Variants in CAMTA1 observed in about 807,000 individuals in gnomAD.
The protein encoded by CAMTA1 is calmodulin-binding transcription activator 1.
A neutral mutation model predicts 170.9 loss-of-function variants in CAMTA1; 27 were observed. The observed-to-expected ratio is 0.16, with a 90% confidence interval of 0.12 to 0.22. CAMTA1 has a LOEUF of 0.22. Ranked by LOEUF, CAMTA1 falls within the 10% of genes least tolerant of loss-of-function variation. CAMTA1 has a pLI of 1.00. For synonymous variants in CAMTA1, 833 were observed against 891.5 expected (o/e 0.93, Z 1.17); for missense variants, 1,619 against 2,217.2 (o/e 0.73, Z 5.42).
rs140073193 is a variant in CAMTA1 at position 7,215,401 on chromosome 1, G to A, written c.303-34090G>A. On this transcript the variant is annotated intron_variant, in intron 4 of 22. Coordinates refer to ENST00000303635, the MANE Select transcript of CAMTA1 (RefSeq NM_015215.4). ...AATTCTGGTATGTAGTTTTTTGTTT[G>A]TTTGTTTTCTGAGATGGAGTCTCAC... is the stretch of plus-strand genomic sequence containing the variant. 5.3e-4 allele frequency among the ~76,000 whole-genome samples: 81 copies of A among 152,238 alleles called. 1 individual carries two copies. The highest frequency in any genetic ancestry group is 1.9e-3 in the African/African-American group (77 of 41,560).
intron 5 of CAMTA1, among the ~76,000 whole-genome samples, chr1:7,359,451 C>T (rs1024495744): frequency 6.6e-6 from 1 of 152,178 alleles, no homozygotes; most frequent in African/African-American, 2.4e-5. Context: ...TTACATTGGG[C>T]CCTGTGAACA....
intron 6 of CAMTA1, among the ~76,000 whole-genome samples, chr1:7,492,138 C>T (rs2093712115): frequency 6.6e-6 from 1 of 152,180 alleles, no homozygotes; most frequent in Non-Finnish European, 1.5e-5. Flanking sequence ...ATGGTCACCC[C>T]AGCTGGGAAG....
rs143773576 is a variant in CAMTA1 at position 6,965,890 on chromosome 1, A to AT, written c.235-125412dup. ...GCAAGCTCGATGCCGCACGTCTGGC[A>AT]TTAGTTACTGCTTGTTGTGTCCTGT... On this transcript the variant is annotated intron_variant, in intron 3 of 22. Coordinates refer to ENST00000303635, the MANE Select transcript of CAMTA1 (RefSeq NM_015215.4). This position sits in a 1 kb window ranked among gnomAD's most constrained non-coding sequence, Gnocchi z 4.1. Among the ~76,000 whole-genome samples, 17 of 152,276 alleles carry AT rather than the reference A, an allele frequency of 1.1e-4. No homozygotes were observed. The East Asian group carries it at 3.3e-3, about 29-fold the overall frequency.
At chr1:7,591,653 C>G (rs930936046) in intron 6 of CAMTA1, among the ~76,000 whole-genome samples, 1 of 152,226 alleles carries the variant, frequency 6.6e-6, no homozygotes, top group Non-Finnish European at 1.5e-5. Flanking sequence ...GACTCCTGTT[C>G]TCAGGGTGAA....
At position 7,276,303 on chromosome 1, in the gene CAMTA1, A is replaced by ATATATTTTTT; in HGVS notation, c.438+26678_438+26679insATATTTTTTT. Among the ~76,000 whole-genome samples the ATATATTTTTT allele has an allele frequency of 5.9e-3, 143 of 24,168 alleles. 4 individuals are homozygous for ATATATTTTTT. Among genetic ancestry groups the ATATATTTTTT allele is most frequent in the Middle Eastern group, 0.033 (1 of 30 alleles). The allele number at this position is 24,168 out of a possible 152,430, so 15.9% of individuals were successfully genotyped here. A position where few individuals can be genotyped will look rare whatever the true frequency, so the allele number is the denominator to read the frequency against. ...CATATATATATATATATATATATAT[A>ATATATTTTTT]TTTTTTTTTTTTTTTTTTCTTTTTG... is the stretch of plus-strand genomic sequence containing the variant. On this transcript the variant is annotated intron_variant, in intron 5 of 22. Coordinates refer to ENST00000303635, the MANE Select transcript of CAMTA1 (RefSeq NM_015215.4).
In CAMTA1 at chr1:7,003,490, C is replaced by T. The variant is rs1007327368; in HGVS notation, c.235-87814C>T. The stretch of plus-strand genomic sequence containing the variant: ...GATGGCTATGTTAGTAGATGGTCCA[C>T]GTGAGAACACGTGGAATTCGACACG... On this transcript the variant is annotated intron_variant, in intron 3 of 22. Coordinates refer to ENST00000303635, the MANE Select transcript of CAMTA1 (RefSeq NM_015215.4). Among the ~76,000 whole-genome samples, 10 of 152,272 alleles carry T rather than the reference C, an allele frequency of 6.6e-5. No homozygotes were observed. The South Asian group carries it at 1.5e-3, about 22-fold the overall frequency.
chr1:7,471,799 G>A (rs555736253), intron 6 of CAMTA1, among the ~76,000 whole-genome samples: 1 of 152,182 alleles, frequency 6.6e-6, no homozygotes, highest in African/African-American at 2.4e-5. Context: ...TGATGGTTTC[G>A]AGGGGTAGGC....
intron 6 of CAMTA1, among the ~76,000 whole-genome samples, chr1:7,598,518 T>A (rs1364259210): frequency 6.6e-6 from 1 of 152,232 alleles, no homozygotes; most frequent in East Asian, 1.9e-4. Flanking sequence ...CACACTGACT[T>A]CTACAATGGT....
In CAMTA1 at chr1:6,940,945, G is replaced by C. The variant is rs866863850; in HGVS notation, c.234+115735G>C. Among the ~76,000 whole-genome samples, 5 of 143,080 alleles carry C rather than the reference G, an allele frequency of 3.5e-5. No individual in the cohort carries two copies. The South Asian group carries it at 6.6e-4, about 19-fold the overall frequency. The allele number at this position is 143,080 out of a possible 152,430, so 93.9% of individuals were successfully genotyped here. A position where few individuals can be genotyped will look rare whatever the true frequency, so the allele number is the denominator to read the frequency against. ...CTCACAGGGAAAGGGGATCCTCAGGGGGAGGGGGGATCCTTGCAAGGTGGG... is the reference window on the plus strand; with the variant it reads ...CTCACAGGGAAAGGGGATCCTCAGGCGGAGGGGGGATCCTTGCAAGGTGGG... On this transcript the variant is annotated intron_variant, in intron 3 of 22. Transcript: ENST00000303635.
chr1:7,481,682 G>A (rs1412565675), intron 6 of CAMTA1, among the ~76,000 whole-genome samples: 1 of 152,036 alleles, frequency 6.6e-6, no homozygotes, highest in Non-Finnish European at 1.5e-5. Flanking sequence ...GATCACTTAC[G>A]TGTTCCACCT....
At chr1:7,424,144 C>T (rs943460960) in intron 5 of CAMTA1, among the ~76,000 whole-genome samples, 5 of 152,104 alleles carry the variant, frequency 3.3e-5, no homozygotes, top group African/African-American at 4.8e-5. Context: ...TGTCTTCTCT[C>T]GGGCATCTCT....
intron 4 of CAMTA1, among the ~76,000 whole-genome samples, chr1:7,137,887 G>A (rs944455270): frequency 6.6e-6 from 1 of 152,204 alleles, no homozygotes; most frequent in African/African-American, 2.4e-5. Context: ...CTTCCCTGCT[G>A]GAATATCGGG....
intron 3 of CAMTA1, among the ~76,000 whole-genome samples, chr1:7,023,760 G>A (rs1701673606): frequency 6.6e-6 from 1 of 152,182 alleles, no homozygotes; most frequent in Non-Finnish European, 1.5e-5. Context: ...AGGTGTGGTG[G>A]CTCACGCCTG....
chr1:6,962,583 C>CCCA (rs1690655349), intron 3 of CAMTA1, among the ~76,000 whole-genome samples: 1 of 148,152 alleles, frequency 6.7e-6, no homozygotes, highest in Non-Finnish European at 1.5e-5. Flanking sequence ...CCCACCTGGC[C>CCCA]CCACCCCTCC....
At position 7,753,532 on chromosome 1, in the gene CAMTA1, T is replaced by C. The variant is rs75200871; in HGVS notation, c.4958+999T>C. Reference sequence around the variant, plus strand: ...TTAATTGGATTCCTTGGATGTTTCATTTTGCTTTAGTTTTTCTTACTCCTA... The same window carrying C: ...TTAATTGGATTCCTTGGATGTTTCACTTTGCTTTAGTTTTTCTTACTCCTA... On this transcript the variant is annotated intron_variant, in intron 21 of 22. Transcript: ENST00000303635. Among the ~76,000 whole-genome samples, 1,019 of 152,346 alleles carry C rather than the reference T, an allele frequency of 6.7e-3. 10 individuals are homozygous for C. The highest frequency in any genetic ancestry group is 0.024 in the African/African-American group (984 of 41,582).
intron 4 of CAMTA1, among the ~76,000 whole-genome samples, chr1:7,204,060 G>T (rs1045547119): frequency 1.3e-5 from 2 of 151,546 alleles, no homozygotes; most frequent in Admixed American, 6.6e-5. Context: ...AGATGGTCTC[G>T]ATCTCCTGAC....
chr1:7,563,750 G>A (rs1230678714), intron 6 of CAMTA1, among the ~76,000 whole-genome samples: 4 of 152,322 alleles, frequency 2.6e-5, no homozygotes, highest in East Asian at 1.9e-4. Context: ...GAGATACAGC[G>A]ACTTGTTGAA....
At chr1:7,498,841 CGTGT>C (rs150482905) in intron 6 of CAMTA1, among the ~76,000 whole-genome samples, 9,299 of 138,336 alleles carry the variant, frequency 0.067, 385 homozygotes, top group South Asian at 0.15. Flanking sequence ...GCCTGGTGTG[CGTGT>C]GTATGTATGA....
At chr1:6,881,974 T>TA (rs1671761293) in intron 3 of CAMTA1, among the ~76,000 whole-genome samples, 1 of 151,898 alleles carries the variant, frequency 6.6e-6, no homozygotes, top group Non-Finnish European at 1.5e-5. Flanking sequence ...CTCAAAAAAA[T>TA]AAAAGTAAAA....
Sources: gnomAD v4.1 joint callset for allele counts (sites outside exome capture counted in the v4.1 genomes callset) on GRCh38, gnomAD v4.1.1 for gene constraint, Gnocchi (gnomAD v3.1) non-coding constraint, MANE v1.5 for transcripts, NCBI Gene and HGNC (gene_info 2026-07-23, HGNC 2026-07-21) for gene names.